Variants in KCNJ5 observed in about 807,000 individuals in gnomAD.
KCNJ5 encodes the protein G protein-activated inward rectifier potassium channel 4.
KCNJ5 carries 12 observed loss-of-function variants against 20.2 expected under a neutral mutation model. The observed-to-expected ratio is 0.59, with a 90% CI of 0.38 to 0.96. KCNJ5 has a LOEUF of 0.96. KCNJ5 is among the 40% of genes least tolerant of loss of function. The probability of loss-of-function intolerance (pLI) is 0.00; values close to 1 mark genes in which losing one functional copy is unlikely to be tolerated. For synonymous variants in KCNJ5, 210 were observed against 213.9 expected (o/e 0.98, Z 0.16); for missense variants, 449 against 557.6 (o/e 0.81, Z 1.96).
At chr11:128,897,016 T>C (rs1281811611) in intron 1 of KCNJ5, among the ~76,000 whole-genome samples, 2 of 152,186 alleles carry the variant, frequency 1.3e-5, no homozygotes, top group African/African-American at 4.8e-5. Flanking sequence ...ATTGTCACTA[T>C]TTCTTATTTT....
intron 1 of KCNJ5, among the ~76,000 whole-genome samples, chr11:128,891,980 T>C (rs990881512): frequency 6.6e-6 from 1 of 152,234 alleles, no homozygotes; most frequent in East Asian, 1.9e-4. Context: ...CAGGGCTACC[T>C]GGGGGTGCCC....
chr11:128,909,478 A>C (rs1944468771), intron 1 of KCNJ5, among the ~76,000 whole-genome samples: 1 of 152,248 alleles, frequency 6.6e-6, no homozygotes, highest in Non-Finnish European at 1.5e-5. Flanking sequence ...GACAGACAGC[A>C]AGAAAAGAGG....
At chr11:128,896,625 T>C (rs1316711331) in intron 1 of KCNJ5, among the ~76,000 whole-genome samples, 1 of 152,020 alleles carries the variant, frequency 6.6e-6, no homozygotes, top group East Asian at 1.9e-4. Flanking sequence ...TGTGTGTGTG[T>C]GTGTGTGGTT....
chr11:128,912,603 C>T (rs949717594), intron 2 of KCNJ5, among the ~76,000 whole-genome samples: 1 of 152,142 alleles, frequency 6.6e-6, no homozygotes, highest in Non-Finnish European at 1.5e-5. Context: ...CTCCACCTCC[C>T]GGATTCAAGC....
chr11:128,896,104 T>C (rs1321355945), intron 1 of KCNJ5, among the ~76,000 whole-genome samples: 1 of 152,210 alleles, frequency 6.6e-6, no homozygotes, highest in Non-Finnish European at 1.5e-5. Context: ...TTGGTTCTTT[T>C]TTTCCCCTCC....
In KCNJ5 at chr11:128,911,458, T is replaced by C; in HGVS notation, c.185T>C (p.Val62Ala). The C allele has an allele frequency of 6.2e-7, 1 of 1,614,240 alleles. No individual in the cohort carries two copies. Among genetic ancestry groups the C allele is most frequent in the Non-Finnish European group, 8.5e-7 (1 of 1,180,044 alleles). The change falls in exon 2 of 3, where the codon GTG (valine) becomes GCG (alanine). Residue 62 changes from valine to alanine, a missense_variant. Val to Ala is a moderately conservative substitution (Grantham distance 64, BLOSUM62 0). Coordinates refer to ENST00000529694, the MANE Select transcript of KCNJ5 (RefSeq NM_000890.5). This position sits in a 1 kb window ranked among gnomAD's most constrained non-coding sequence, Gnocchi z 6.3. ...ATGGAGAAGAGTGGCAAGTGCAACG[T>C]GCACCACGGCAACGTCCAGGAGACC... Reference protein sequence around the residue: ...RYMEKSGKCNVHHGNVQETYR... With the variant: ...RYMEKSGKCNAHHGNVQETYR...
intron 2 of KCNJ5, among the ~76,000 whole-genome samples, chr11:128,914,551 G>C (rs1944549595): frequency 6.6e-6 from 1 of 152,212 alleles, no homozygotes; most frequent in African/African-American, 2.4e-5. Context: ...CATGCAGCCA[G>C]GTGTGGGCTG....
chr11:128,912,272 T>A (rs930351097), intron 2 of KCNJ5, 62 bp downstream of exon 2: 2 of 1,294,928 alleles, frequency 1.5e-6, no homozygotes, highest in Non-Finnish European at 2.2e-6. Context: ...CTTAGGCAAC[T>A]GTGACTCCAG....
intron 1 of KCNJ5, among the ~76,000 whole-genome samples, chr11:128,895,552 G>A (rs1020670063): frequency 2.0e-5 from 3 of 152,226 alleles, no homozygotes; most frequent in Admixed American, 2.0e-4. Context: ...CAGTATGAAG[G>A]CTTCCCCGGC....
chr11:128,914,553 T>A (rs1944549634), intron 2 of KCNJ5, among the ~76,000 whole-genome samples: 1 of 152,170 alleles, frequency 6.6e-6, no homozygotes, highest in Non-Finnish European at 1.5e-5. Flanking sequence ...TGCAGCCAGG[T>A]GTGGGCTGGG....
chr11:128,898,153 C>T (rs1386827545), intron 1 of KCNJ5, among the ~76,000 whole-genome samples: 1 of 152,186 alleles, frequency 6.6e-6, no homozygotes, highest in Non-Finnish European at 1.5e-5. Context: ...TCCCTTTTCA[C>T]ATAAGTTTTA....
Position 128,897,627 on chromosome 11 carries a change from T to G in KCNJ5, c.-11+5906T>G, listed in dbSNP as rs1397054367. Among the ~76,000 whole-genome samples the G allele has an allele frequency of 3.9e-5, 6 of 152,316 alleles. No homozygotes were observed. In the South Asian group the frequency reaches 1.0e-3, roughly 26 times the overall value. On this transcript the variant is annotated intron_variant, in intron 1 of 2. Coordinates refer to ENST00000529694, the MANE Select transcript of KCNJ5 (RefSeq NM_000890.5). ...ATTTTGCCTTTTCATCTTAACAGAG[T>G]CTTTTTCAGAGCAAGTGTTTTTAAT...
At position 128,916,733 on chromosome 11, in the gene KCNJ5, G is replaced by T; in HGVS notation, c.*2G>T. On this transcript the variant is annotated 3_prime_UTR_variant, in exon 3 of 3. Transcript: ENST00000529694. ...AGGGAGGCCAGGGGCTCGGTGTGAG[G>T]GGTGCAGCCTCCCTAAGACCTCCTG... The T allele has an allele frequency of 6.3e-7, 1 of 1,594,498 alleles. No homozygotes were observed. Among genetic ancestry groups the T allele is most frequent in the Non-Finnish European group, 8.5e-7 (1 of 1,170,744 alleles).
intron 1 of KCNJ5, among the ~76,000 whole-genome samples, chr11:128,893,528 C>T (rs1944126159): frequency 6.6e-6 from 1 of 152,158 alleles, no homozygotes; most frequent in Non-Finnish European, 1.5e-5. Context: ...CGTTCTAGAC[C>T]TACTACCTAG....
intron 1 of KCNJ5, among the ~76,000 whole-genome samples, chr11:128,892,943 A>G (rs1052453720): frequency 7.9e-5 from 12 of 152,362 alleles, no homozygotes; most frequent in African/African-American, 2.4e-4. Flanking sequence ...CAGCACTGCT[A>G]TCTCCAAAAC....
intron 1 of KCNJ5, among the ~76,000 whole-genome samples, chr11:128,892,552 A>G (rs767131922): frequency 2.6e-5 from 4 of 152,358 alleles, no homozygotes; most frequent in Non-Finnish European, 4.4e-5. Flanking sequence ...AAGAAGATCA[A>G]CAGGAACACG....
At chr11:128,894,276 T>A (rs1253154908) in intron 1 of KCNJ5, among the ~76,000 whole-genome samples, 1 of 152,132 alleles carries the variant, frequency 6.6e-6, no homozygotes, top group Non-Finnish European at 1.5e-5. Context: ...AATGTGATCG[T>A]TGGGGCAGCG....
chr11:128,904,940 T>C (rs368032189), intron 1 of KCNJ5, among the ~76,000 whole-genome samples: 4 of 152,328 alleles, frequency 2.6e-5, no homozygotes, highest in East Asian at 1.9e-4. Flanking sequence ...GGTTTTTAAA[T>C]GAAATACCTG....
At position 128,911,162 on chromosome 11, in the gene KCNJ5, A is replaced by T; in HGVS notation, c.-10-102A>T. 1.1e-6 allele frequency: 1 copy of T among 899,862 alleles called. No homozygotes were observed. The highest frequency in any genetic ancestry group is 2.6e-5 in the East Asian group (1 of 38,376). The allele number at this position is 899,862 out of a possible 1,614,324, so 55.7% of individuals were successfully genotyped here. ...TCACGCCCTGACCCCTGGATAACAG[A>T]AGAGAAGCCTGGGAGAGCCCCGGGG... On this transcript the variant is annotated intron_variant, in intron 1 of 2. Transcript: ENST00000529694. The surrounding 1 kb of genome is among the most constrained non-coding windows in gnomAD (Gnocchi z 6.3).
Sources: allele counts gnomAD v4.1 joint callset (sites outside exome capture counted in the v4.1 genomes callset), GRCh38; gene constraint gnomAD v4.1.1; non-coding constraint Gnocchi (gnomAD v3.1); transcripts MANE v1.5; gene names NCBI Gene and HGNC (gene_info 2026-07-23, HGNC 2026-07-21).